The following SLC25A48 variants were observed in gnomAD, a reference collection of about 807,000 sequenced individuals.
The protein encoded by SLC25A48 is solute carrier family 25 member 48, also known as CTC-321K16.1.
SLC25A48 carries 29 observed loss-of-function variants against 32.2 expected under a neutral mutation model. The ratio of observed to expected loss-of-function variants is 0.90; its 90% CI spans 0.67 to 1.23. The LOEUF (loss-of-function observed/expected upper bound fraction) is 1.23, where lower values mean the gene tolerates loss of function less well. Ranked by LOEUF, SLC25A48 falls within the 50% of genes most tolerant of loss-of-function variation. The pLI, the probability that SLC25A48 is intolerant of heterozygous loss-of-function variation, is 0.00. For missense variants in SLC25A48, 399 were observed against 422.7 expected, an observed-to-expected ratio of 0.94 and a Z score of 0.49; for synonymous variants, 164 against 172.3, an observed-to-expected ratio of 0.95 and a Z score of 0.38.
intron 3 of SLC25A48, among the ~76,000 whole-genome samples, chr5:135,716,828 C>T (rs1451026929): frequency 6.6e-6 from 1 of 152,220 alleles, no homozygotes; most frequent in Non-Finnish European, 1.5e-5. Flanking sequence ...CCAGCTCCGG[C>T]CAGCATAGCC....
chr5:135,724,050 A>G (rs1325966904), intron 3 of SLC25A48, among the ~76,000 whole-genome samples: 3 of 152,182 alleles, frequency 2.0e-5, no homozygotes. Context: ...TCCCTTGCAC[A>G]CATGGTTTTG....
chr5:135,638,795 T>G (rs935465708), intron 3 of SLC25A48, among the ~76,000 whole-genome samples: 1 of 152,232 alleles, frequency 6.6e-6, no homozygotes, highest in Non-Finnish European at 1.5e-5. Context: ...GCATACATCA[T>G]TGTCTTTATA....
intron 3 of SLC25A48, among the ~76,000 whole-genome samples, chr5:135,715,269 AG>A: frequency 6.6e-6 from 1 of 152,306 alleles, no homozygotes; most frequent in Non-Finnish European, 1.5e-5. Flanking sequence ...CTGGTGCAGA[AG>A]GGGCACATTT....
intron 3 of SLC25A48, among the ~76,000 whole-genome samples, chr5:135,684,504 G>A (rs989662811): frequency 6.6e-6 from 1 of 152,172 alleles, no homozygotes; most frequent in Non-Finnish European, 1.5e-5. Context: ...CCAGCTCTGT[G>A]GGGAGCTAGG....
intron 4 of SLC25A48, among the ~76,000 whole-genome samples, chr5:135,820,394 T>C (rs1372731708): frequency 1.3e-5 from 2 of 152,106 alleles, no homozygotes; most frequent in South Asian, 2.1e-4. Flanking sequence ...TTGCTTGGAG[T>C]TGGGAAGCAA....
chr5:135,703,579 C>T (rs530468791), intron 3 of SLC25A48, among the ~76,000 whole-genome samples: 1 of 152,296 alleles, frequency 6.6e-6, no homozygotes, highest in African/African-American at 2.4e-5. Flanking sequence ...GCCTGGTTAA[C>T]CTCTCAGCAA....
At chr5:135,802,891 C>A (rs1432354642) in intron 3 of SLC25A48, 2 of 151,436 alleles carry the variant, frequency 1.3e-5, no homozygotes, top group Non-Finnish European at 3.0e-5. Flanking sequence ...TTGTAATATT[C>A]TAGGGAGATA....
At chr5:135,646,210 T>C (rs1013956350) in intron 3 of SLC25A48, among the ~76,000 whole-genome samples, 6 of 152,136 alleles carry the variant, frequency 3.9e-5, no homozygotes, top group Non-Finnish European at 7.4e-5. Context: ...GCAGGGGTGT[T>C]GGTGGCATTC....
chr5:135,839,135 TGA>T (rs940073539), intron 1 of SLC25A48, among the ~76,000 whole-genome samples: 1 of 152,210 alleles, frequency 6.6e-6, no homozygotes, highest in Admixed American at 6.5e-5. Flanking sequence ...TCCCTGATGG[TGA>T]CCTCTCAGAG....
chr5:135,630,588 CTTTT>C (rs869088370), intron 2 of SLC25A48, among the ~76,000 whole-genome samples: 223 of 58,888 alleles, frequency 3.8e-3, no homozygotes, highest in African/African-American at 0.012. Context: ...GGCTGGGCAC[CTTTT>C]TTTTTTTTTT....
At chr5:135,830,746 TCA>T, upstream of SLC25A48, among the ~76,000 whole-genome samples, 1 of 152,176 alleles carries the variant, frequency 6.6e-6, no homozygotes, top group Non-Finnish European at 1.5e-5. Context: ...GGGCAAACAC[TCA>T]AAGAAGAAAG....
chr5:135,828,890 C>T (rs1215156056), intron 4 of SLC25A48, among the ~76,000 whole-genome samples: 1 of 152,214 alleles, frequency 6.6e-6, no homozygotes, highest in East Asian at 1.9e-4. Flanking sequence ...TGCATTCTCC[C>T]ACCTGGCACT....
At chr5:135,602,916 C>T (rs1250365885) in intron 1 of SLC25A48, among the ~76,000 whole-genome samples, 1 of 152,186 alleles carries the variant, frequency 6.6e-6, no homozygotes, top group Non-Finnish European at 1.5e-5. Flanking sequence ...GTCTGTTTCT[C>T]TGCTGGTCTC....
At chr5:135,596,807 T>C (rs1751663346) in intron 1 of SLC25A48, among the ~76,000 whole-genome samples, 1 of 152,228 alleles carries the variant, frequency 6.6e-6, no homozygotes, top group Non-Finnish European at 1.5e-5. Context: ...CTGATTGCAC[T>C]ATCATTTTGG....
intron 4 of SLC25A48, among the ~76,000 whole-genome samples, chr5:135,858,804 A>T (rs1255003310): frequency 6.6e-6 from 1 of 152,178 alleles, no homozygotes; most frequent in Non-Finnish European, 1.5e-5. Flanking sequence ...ATGTCCCCAA[A>T]ATGACGTTGT....
intron 7 of SLC25A48, 161 bp downstream of exon 7, chr5:135,880,258 C>A: frequency 9.2e-7 from 1 of 1,086,210 alleles, no homozygotes; most frequent in Non-Finnish European, 1.3e-6. Context: ...CACCAAACAG[C>A]AGTTCAGAAA....
At chr5:135,838,963 G>A (rs756529733) in intron 1 of SLC25A48, among the ~76,000 whole-genome samples, 1 of 152,194 alleles carries the variant, frequency 6.6e-6, no homozygotes, top group South Asian at 2.1e-4. Flanking sequence ...TGTGAGAAGA[G>A]AGCCACCATC....
chr5:135,724,644 C>T (rs149710418), intron 3 of SLC25A48, among the ~76,000 whole-genome samples: 160 of 152,372 alleles, frequency 1.1e-3, no homozygotes, highest in Non-Finnish European at 1.9e-3. Context: ...ACAGGAAAAG[C>T]CTTGCCTAAG....
At chr5:135,672,033 C>A (rs1211728472) in intron 3 of SLC25A48, among the ~76,000 whole-genome samples, 2 of 152,162 alleles carry the variant, frequency 1.3e-5, no homozygotes, top group African/African-American at 4.8e-5. Flanking sequence ...CCATTAGCTT[C>A]CAAATTGATT....
Sources: gnomAD v4.1 joint callset for allele counts (sites outside exome capture counted in the v4.1 genomes callset) on GRCh38, gnomAD v4.1.1 for gene constraint, MANE v1.5 for transcripts, NCBI Gene and HGNC (gene_info 2026-07-23, HGNC 2026-07-21) for gene names.